The following MYO1B variants were observed in gnomAD, a reference collection of about 807,000 sequenced individuals.
The protein encoded by MYO1B is unconventional myosin-Ib.
A neutral mutation model predicts 159.7 loss-of-function variants in MYO1B; 72 were observed. The observed-to-expected ratio is 0.45, with a 90% CI of 0.37 to 0.55. The LOEUF (loss-of-function observed/expected upper bound fraction) is 0.55. MYO1B is among the 20% of genes least tolerant of loss of function. MYO1B has a pLI of 0.00. For synonymous variants in MYO1B, 468 were observed against 473.8 expected (o/e 0.99, Z 0.16); for missense variants, 1,062 against 1,364.8 (o/e 0.78, Z 3.50).
chr2:191,318,640 C>T (rs1690507072), intron 3 of MYO1B, among the ~76,000 whole-genome samples: 1 of 152,162 alleles, frequency 6.6e-6, no homozygotes, highest in Admixed American at 6.6e-5. Flanking sequence ...ATACCAACTT[C>T]CTGCTTGCAG....
At chr2:191,378,282 CT>C (rs67786747) in intron 13 of MYO1B, among the ~76,000 whole-genome samples, 8,875 of 152,056 alleles carry the variant, frequency 0.058, 871 homozygotes, top group African/African-American at 0.2. Context: ...TGCATGTTTT[CT>C]TTTTTTCTTT....
Position 191,346,222 on chromosome 2 carries a change from T to C in MYO1B, c.452-14T>C, listed in dbSNP as rs1267246014. On this transcript the variant is annotated splice_polypyrimidine_tract_variant and intron_variant, in intron 5 of 30. Transcript: ENST00000392318. ...ATTATTTTTTTAACCATACATCTGT[T>C]TCTTTCCTACTAGCTTTTGGAAATG... The C allele has an allele frequency of 6.4e-7, 1 of 1,553,840 alleles. No individual in the cohort carries two copies. The highest frequency in any genetic ancestry group is 2.3e-5 in the East Asian group (1 of 43,570).
At chr2:191,308,070 C>CA (rs1264678622) in intron 3 of MYO1B, among the ~76,000 whole-genome samples, 1 of 152,146 alleles carries the variant, frequency 6.6e-6, no homozygotes, top group Non-Finnish European at 1.5e-5. Context: ...GATTCCCCCC[C>CA]ACTCTAATCA....
intron 1 of MYO1B, among the ~76,000 whole-genome samples, chr2:191,256,687 C>T (rs1325560790): frequency 6.6e-6 from 1 of 152,140 alleles, no homozygotes; most frequent in Non-Finnish European, 1.5e-5. Flanking sequence ...GGTTATGTTA[C>T]CTCTGTACTA....
intron 23 of MYO1B, 82 bp downstream of exon 23, chr2:191,400,917 T>A (rs566261016): frequency 7.7e-7 from 1 of 1,303,380 alleles, no homozygotes; most frequent in African/African-American, 1.5e-5. Flanking sequence ...AGGGGATGAA[T>A]GACTACAATT....
At chr2:191,320,082 A>G (rs1373282916) in intron 3 of MYO1B, among the ~76,000 whole-genome samples, 1 of 152,160 alleles carries the variant, frequency 6.6e-6, no homozygotes, top group Non-Finnish European at 1.5e-5. Flanking sequence ...GCTGGATGAA[A>G]GAAGAAAAGC....
At chr2:191,389,257 G>A (rs1695593387) in intron 17 of MYO1B, among the ~76,000 whole-genome samples, 1 of 152,232 alleles carries the variant, frequency 6.6e-6, no homozygotes, top group Non-Finnish European at 1.5e-5. Flanking sequence ...GTCCACGTAA[G>A]TGTGTAATTT....
chr2:191,385,967 G>T lies in MYO1B; in HGVS notation c.1437G>T (p.Leu479=). The T allele has an allele frequency of 6.2e-7, 1 of 1,614,188 alleles. No homozygotes were observed. Among genetic ancestry groups the T allele is most frequent in the Non-Finnish European group, 8.5e-7 (1 of 1,180,014 alleles). Residue 479 remains leucine, a synonymous_variant, in exon 16 of 31, where the codon CTG becomes CTT. Transcript: ENST00000392318. ...CTGATGAGACCTTCTTAGAAAAGCTGAACCAAGTATGTGCCACCCACCAGC... is the reference window on the plus strand; with the variant it reads ...CTGATGAGACCTTCTTAGAAAAGCTTAACCAAGTATGTGCCACCCACCAGC... ...TVTDETFLEK[L]NQVCATHQHF...
chr2:191,359,613 G>A (rs1693534585), intron 7 of MYO1B, among the ~76,000 whole-genome samples: 2 of 152,004 alleles, frequency 1.3e-5, no homozygotes, highest in Admixed American at 6.6e-5. Flanking sequence ...ACAAATGCTG[G>A]TGTAGGTTCC....
At chr2:191,335,369 T>G (rs1207120038) in intron 4 of MYO1B, among the ~76,000 whole-genome samples, 1 of 152,234 alleles carries the variant, frequency 6.6e-6, no homozygotes, top group Non-Finnish European at 1.5e-5. Context: ...TTTAATTGTC[T>G]TTAGTCTATC....
chr2:191,360,903 A>C (rs547141083), intron 8 of MYO1B, among the ~76,000 whole-genome samples, 174 bp downstream of exon 8: 272 of 152,124 alleles, frequency 1.8e-3, no homozygotes, highest in South Asian at 3.9e-3. Context: ...ACTGTGCCTG[A>C]ATTGTTTCTA....
chr2:191,378,876 C>G (rs1038701409), intron 13 of MYO1B, among the ~76,000 whole-genome samples: 8 of 152,036 alleles, frequency 5.3e-5, no homozygotes, highest in African/African-American at 1.7e-4. Flanking sequence ...TTAGAAGGAG[C>G]ATTTGTCATA....
At chr2:191,273,679 A>G (rs202158322) in intron 1 of MYO1B, among the ~76,000 whole-genome samples, 2 of 152,238 alleles carry the variant, frequency 1.3e-5, no homozygotes, top group East Asian at 1.9e-4. Flanking sequence ...TCACATGTTC[A>G]TTTTTGGTAC....
intron 3 of MYO1B, among the ~76,000 whole-genome samples, chr2:191,308,609 A>G (rs557075467): frequency 4.7e-4 from 72 of 152,198 alleles, no homozygotes; most frequent in Non-Finnish European, 8.7e-4. Flanking sequence ...TCTTGATTTC[A>G]CATCTCCTAG....
At position 191,276,933 on chromosome 2, in the gene MYO1B, A is replaced by G; in HGVS notation, c.38A>G (p.Asn13Ser). The change falls in exon 2 of 31, where the codon AAT becomes AGT. Residue 13 changes from asparagine to serine, a missense_variant. Physicochemically the swap from Asn to Ser is conservative, Grantham distance 46. Around this residue, in one of 5 missense-constraint regions of MYO1B, gnomAD observed 415 missense variants for 544.0 expected, o/e 0.76. Transcript: ENST00000392318. ...KMEVKTSLLD[N>S]MIGVGDMVLL... The stretch of plus-strand genomic sequence containing the variant: ...GAGGTGAAAACCTCACTTCTGGACA[A>G]TATGATTGGAGTTGGGGATATGGTT... 1.9e-6 allele frequency: 3 copies of G among 1,613,958 alleles called. No individual in the cohort carries two copies. The highest frequency in any genetic ancestry group is 2.5e-6 in the Non-Finnish European group (3 of 1,179,956).
At chr2:191,285,791 A>C (rs913009789) in intron 2 of MYO1B, among the ~76,000 whole-genome samples, 6 of 152,138 alleles carry the variant, frequency 3.9e-5, no homozygotes, top group Non-Finnish European at 8.8e-5. Context: ...TTGATACCAG[A>C]ACTGGAGAGG....
intron 1 of MYO1B, among the ~76,000 whole-genome samples, chr2:191,254,353 C>T (rs1686307633): frequency 6.6e-6 from 1 of 152,126 alleles, no homozygotes; most frequent in Non-Finnish European, 1.5e-5. Context: ...GCTGGGATTA[C>T]AGGCATGCAA....
At chr2:191,344,597 G>A (rs1437479048) in intron 5 of MYO1B, among the ~76,000 whole-genome samples, 2 of 152,122 alleles carry the variant, frequency 1.3e-5, no homozygotes, top group African/African-American at 4.8e-5. Flanking sequence ...TTGGGAGGCC[G>A]AGGGGGGTGG....
rs779377849 is a variant in MYO1B, at chr2:191,387,478, G to A, written c.1781+28G>A. ...ATTTTTGGCACATGAAACTTTCACA[G>A]TTCAAATGTGAGAGCACCCCGAAGG... On this transcript the variant is annotated intron_variant, in intron 17 of 30. Coordinates refer to ENST00000392318, the MANE Select transcript of MYO1B (RefSeq NM_001130158.3). 7 of 1,586,230 alleles carry A rather than the reference G, an allele frequency of 4.4e-6. 1 individual carries two copies. In the South Asian group the frequency reaches 7.7e-5, roughly 18 times the overall value.
Sources: gnomAD v4.1 joint callset for allele counts (sites outside exome capture counted in the v4.1 genomes callset) on GRCh38, gnomAD v4.1.1 for gene constraint, gnomAD v4.1.1 regional missense constraint, MANE v1.5 for transcripts, NCBI Gene and HGNC (gene_info 2026-07-23, HGNC 2026-07-21) for gene names.